THRB: variants seen among roughly 807,000 people sequenced by gnomAD.
THRB encodes the protein nuclear receptor subfamily 1 group A member 2.
THRB carries 12 observed loss-of-function variants against 47.8 expected under a neutral mutation model. That is an observed-to-expected ratio of 0.25 (90% CI 0.16 to 0.41). The LOEUF (loss-of-function observed/expected upper bound fraction) is 0.41. Among genes scored for constraint, THRB ranks in the 10% least tolerant of loss-of-function variants. The pLI is 1.00. For synonymous variants in THRB, 218 were observed against 212.2 expected, an observed-to-expected ratio of 1.03 and a Z score of -0.24; for missense variants, 348 against 589.2, an observed-to-expected ratio of 0.59 and a Z score of 4.24.
chr3:24,142,150 T>A (rs1177819739), intron 8 of THRB, among the ~76,000 whole-genome samples: 1 of 152,172 alleles, frequency 6.6e-6, no homozygotes, highest in Non-Finnish European at 1.5e-5. Context: ...TCACCACTGT[T>A]TACCAGTTGT....
In THRB at chr3:24,328,782, C is replaced by T. The variant is rs1017673911; in HGVS notation, c.-189+8518G>A. Among the ~76,000 whole-genome samples the T allele has an allele frequency of 9.2e-5, 14 of 152,272 alleles. No individual in the cohort carries two copies. In the East Asian group the frequency reaches 2.5e-3, roughly 27 times the overall value. The stretch of plus-strand genomic sequence containing the variant: ...ACCTCCAACCTACCTGTCTTCCTTG[C>T]CCTATAGAACTCTTTCTAAAATATA... On this transcript the variant is annotated intron_variant, in intron 2 of 10. Transcript: ENST00000646209.
chr3:24,323,076 T>C (rs1404920418), intron 2 of THRB, among the ~76,000 whole-genome samples: 1 of 152,226 alleles, frequency 6.6e-6, no homozygotes, highest in Non-Finnish European at 1.5e-5. Flanking sequence ...GCAGAAGGCC[T>C]ATTGGTGTTT....
intron 1 of THRB, among the ~76,000 whole-genome samples, chr3:24,440,630 T>C (rs13099463): frequency 0.28 from 42,749 of 151,968 alleles, 6,359 homozygotes; most frequent in Admixed American, 0.34. Context: ...GAGACAAAGG[T>C]CAGAATGACT....
chr3:24,337,884 T>C (rs1181281744), intron 1 of THRB, among the ~76,000 whole-genome samples: 1 of 152,154 alleles, frequency 6.6e-6, no homozygotes, highest in African/African-American at 2.4e-5. Context: ...AATGTAAGCA[T>C]GAAGCCATGG....
chr3:24,193,501 T>C (rs1382307638), intron 4 of THRB, among the ~76,000 whole-genome samples: 1 of 152,232 alleles, frequency 6.6e-6, no homozygotes, highest in Non-Finnish European at 1.5e-5. Context: ...TCCAATATTT[T>C]ACACAACCTC....
intron 4 of THRB, among the ~76,000 whole-genome samples, chr3:24,213,199 G>C (rs757808117): frequency 3.9e-5 from 6 of 152,200 alleles, no homozygotes; most frequent in Non-Finnish European, 7.3e-5. Context: ...AGCTGTCCCA[G>C]GTCCAGGAGC....
intron 5 of THRB, among the ~76,000 whole-genome samples, chr3:24,174,012 C>T (rs920621341): frequency 2.0e-5 from 3 of 152,214 alleles, no homozygotes; most frequent in Admixed American, 1.3e-4. Flanking sequence ...CTATGACTGG[C>T]CACATTTTAA....
chr3:24,344,796 T>A (rs1012716545), intron 1 of THRB, among the ~76,000 whole-genome samples: 10 of 152,074 alleles, frequency 6.6e-5, no homozygotes, highest in African/African-American at 2.2e-4. Context: ...TTTTGTTCTA[T>A]TTTATGTACT....
intron 1 of THRB, among the ~76,000 whole-genome samples, chr3:24,402,953 C>A (rs1026747890): frequency 7.9e-5 from 12 of 151,864 alleles, no homozygotes; most frequent in Admixed American, 7.9e-4. Context: ...CCTAGAGTGA[C>A]CTTATTTAAA....
At chr3:24,152,763 C>T (rs1664441503) in intron 5 of THRB, among the ~76,000 whole-genome samples, 1 of 151,928 alleles carries the variant, frequency 6.6e-6, no homozygotes, top group Non-Finnish European at 1.5e-5. Context: ...GAGTTCAAGA[C>T]CAGCCTGGCC....
intron 3 of THRB, among the ~76,000 whole-genome samples, chr3:24,244,870 G>C (rs2049948485): frequency 6.6e-6 from 1 of 152,188 alleles, no homozygotes; most frequent in Non-Finnish European, 1.5e-5. Flanking sequence ...ACAACTCAAT[G>C]AAGACCATTC....
intron 5 of THRB, among the ~76,000 whole-genome samples, chr3:24,160,014 C>G (rs2683534): frequency 6.6e-6 from 1 of 151,914 alleles, no homozygotes; most frequent in Non-Finnish European, 1.5e-5. Context: ...TGGTTGGGAG[C>G]GGGGGTGATG....
intron 1 of THRB, among the ~76,000 whole-genome samples, chr3:24,452,693 C>T (rs182945677): frequency 6.4e-4 from 98 of 152,068 alleles, no homozygotes; most frequent in Non-Finnish European, 4.0e-4. Flanking sequence ...CCTTGCTAAC[C>T]CACCTGTAAC....
At chr3:24,238,673 G>T (rs761728637) in intron 3 of THRB, among the ~76,000 whole-genome samples, 23 of 152,116 alleles carry the variant, frequency 1.5e-4, no homozygotes, top group Non-Finnish European at 7.4e-5. Flanking sequence ...CTCTCAGTCT[G>T]AGCCAGTGCT....
intron 1 of THRB, among the ~76,000 whole-genome samples, chr3:24,357,972 T>C (rs1370297872): frequency 2.0e-5 from 3 of 152,150 alleles, no homozygotes; most frequent in African/African-American, 7.2e-5. Context: ...TACTTGATTG[T>C]TTATTTTTTG....
rs562740819 is a variant in THRB, at chr3:24,484,755, C to T, written c.-261+9897G>A. 2.0e-5 allele frequency among the ~76,000 whole-genome samples: 3 copies of T among 152,270 alleles called. No individual in the cohort carries two copies. In the South Asian group the frequency reaches 6.2e-4, roughly 32 times the overall value. Reference sequence around the variant, plus strand: ...GCAGACTTGAGAGTTTCAACAGAGACTGTGTGTCCTGAAAAGCTTAAAATA... The same window carrying T: ...GCAGACTTGAGAGTTTCAACAGAGATTGTGTGTCCTGAAAAGCTTAAAATA... On this transcript the variant is annotated intron_variant, in intron 1 of 10. Transcript: ENST00000646209.
chr3:24,140,644 A>G (rs1302161932), intron 8 of THRB, among the ~76,000 whole-genome samples: 1 of 152,170 alleles, frequency 6.6e-6, no homozygotes, highest in Non-Finnish European at 1.5e-5. Flanking sequence ...AAGGTACCCA[A>G]GTGGAAGCTG....
intron 1 of THRB, among the ~76,000 whole-genome samples, chr3:24,357,172 C>T (rs1191002181): frequency 6.8e-6 from 1 of 147,984 alleles, no homozygotes; most frequent in African/African-American, 2.5e-5. Flanking sequence ...TTTTTGTCCC[C>T]CAAAATGAAC....
intron 3 of THRB, among the ~76,000 whole-genome samples, chr3:24,246,769 G>A (rs2050148678): frequency 6.6e-6 from 1 of 152,138 alleles, no homozygotes; most frequent in African/African-American, 2.4e-5. Context: ...AATTTGGAAT[G>A]CCTCAGTTGT....
Sources: allele counts gnomAD v4.1 joint callset (sites outside exome capture counted in the v4.1 genomes callset), GRCh38; gene constraint gnomAD v4.1.1; transcripts MANE v1.5; gene names NCBI Gene and HGNC (gene_info 2026-07-23, HGNC 2026-07-21).